ARHGAP28: variants seen among roughly 807,000 people sequenced by gnomAD.
ARHGAP28 encodes the protein rho GTPase-activating protein 28.
In ARHGAP28, 56 loss-of-function variants were observed where a neutral mutation model predicts 90.7. That is an observed-to-expected ratio of 0.62 (90% CI 0.50 to 0.77). ARHGAP28 has a LOEUF of 0.77. Among genes scored for constraint, ARHGAP28 ranks in the 30% least tolerant of loss-of-function variants. The probability of loss-of-function intolerance (pLI) is 0.00; values close to 1 mark genes in which losing one functional copy is unlikely to be tolerated. For synonymous variants in ARHGAP28, 308 were observed against 323.3 expected, an observed-to-expected ratio of 0.95 and a Z score of 0.51; for missense variants, 869 against 900.9, an observed-to-expected ratio of 0.96 and a Z score of 0.45.
At chr18:6,745,017 A>C (rs896557102) in intron 1 of ARHGAP28, among the ~76,000 whole-genome samples, 1 of 151,982 alleles carries the variant, frequency 6.6e-6, no homozygotes, top group Non-Finnish European at 1.5e-5. Flanking sequence ...AAAATACTTT[A>C]TACTCTTTTT....
At chr18:6,780,512 G>A (rs1443373953) in intron 1 of ARHGAP28, among the ~76,000 whole-genome samples, 1 of 152,094 alleles carries the variant, frequency 6.6e-6, no homozygotes, top group Non-Finnish European at 1.5e-5. Flanking sequence ...GGTATTAGTT[G>A]TGGGGAGGGG....
chr18:6,844,901 T>C (rs1490838927), intron 3 of ARHGAP28, among the ~76,000 whole-genome samples: 1 of 152,188 alleles, frequency 6.6e-6, no homozygotes, highest in East Asian at 1.9e-4. Flanking sequence ...GCCCTACCTT[T>C]AATAACAAAA....
intron 11 of ARHGAP28, 43 bp downstream of exon 11, chr18:6,882,342 T>A: frequency 4.5e-6 from 7 of 1,560,328 alleles, no homozygotes; most frequent in Non-Finnish European, 6.1e-6. Flanking sequence ...AGATATAAGG[T>A]CAATAAAGTG....
At chr18:6,736,841 A>G (rs915382676) in intron 1 of ARHGAP28, among the ~76,000 whole-genome samples, 1 of 144,452 alleles carries the variant, frequency 6.9e-6, no homozygotes, top group Admixed American at 6.7e-5. Context: ...AGAGAGTATT[A>G]CTGAAACTAT....
rs1171441870 is a variant in ARHGAP28, at chr18:6,913,892, T to G, written c.*1738T>G. The G allele has an allele frequency of 1.3e-5, 2 of 152,166 alleles. No homozygotes were observed. The highest frequency in any genetic ancestry group is 2.9e-5 in the Non-Finnish European group (2 of 68,016). 9.4% of individuals were successfully genotyped at this position (152,166 alleles called of 1,614,324 possible). On this transcript the variant is annotated 3_prime_UTR_variant, in exon 18 of 18. Coordinates refer to ENST00000383472, the MANE Select transcript of ARHGAP28 (RefSeq NM_001366230.1). Reference sequence around the variant, plus strand: ...ACTCTGAAAAAAATGCTTTTATCATTTTTGCAATTCAGACAAGGGTAAACA... The same window carrying G: ...ACTCTGAAAAAAATGCTTTTATCATGTTTGCAATTCAGACAAGGGTAAACA...
intron 1 of ARHGAP28, among the ~76,000 whole-genome samples, chr18:6,764,263 C>T (rs567967926): frequency 6.6e-6 from 1 of 152,098 alleles, no homozygotes; most frequent in Non-Finnish European, 1.5e-5. Context: ...TATAAGCCCA[C>T]GTCCAAAGAG....
chr18:6,810,109 T>C (rs952858512), intron 1 of ARHGAP28, among the ~76,000 whole-genome samples: 2 of 152,194 alleles, frequency 1.3e-5, no homozygotes, highest in African/African-American at 4.8e-5. Context: ...GAAAGTTCGA[T>C]ATAAGTTTCT....
At position 6,883,798 on chromosome 18, in the gene ARHGAP28, C is replaced by T. The variant is rs1008304516; in HGVS notation, c.1453+1499C>T. 3.9e-5 allele frequency among the ~76,000 whole-genome samples: 6 copies of T among 152,098 alleles called. 1 individual carries two copies. Among genetic ancestry groups the T allele is most frequent in the Admixed American group, 2.0e-4 (3 of 15,274 alleles). On this transcript the variant is annotated intron_variant, in intron 11 of 17. Transcript: ENST00000383472. ...AAGAGAATATTGTAGGCAAGGCAGT[C>T]ATTTTCTAAGCTTTAATTCACATGC...
At position 6,914,249 on chromosome 18, in the gene ARHGAP28, A is replaced by G. The variant is rs2057412855; in HGVS notation, c.*2095A>G. 1 of 152,214 alleles carries G rather than the reference A, an allele frequency of 6.6e-6. No individual in the cohort carries two copies. Among genetic ancestry groups the G allele is most frequent in the South Asian group, 2.1e-4 (1 of 4,832 alleles). 9.4% of individuals were successfully genotyped at this position (152,214 alleles called of 1,614,324 possible). A position where few individuals can be genotyped will look rare whatever the true frequency, so the allele number is the denominator to read the frequency against. On this transcript the variant is annotated 3_prime_UTR_variant, in exon 18 of 18. Transcript: ENST00000383472. Reference sequence around the variant, plus strand: ...AATAAATCCCTAATAGGTAACAAGTAAAATACAAATTCTTGTCTACTTTCA... The same window carrying G: ...AATAAATCCCTAATAGGTAACAAGTGAAATACAAATTCTTGTCTACTTTCA...
intron 1 of ARHGAP28, among the ~76,000 whole-genome samples, chr18:6,818,365 T>G (rs940564229): frequency 6.6e-6 from 1 of 152,228 alleles, no homozygotes; most frequent in Non-Finnish European, 1.5e-5. Context: ...GGAGAGCATT[T>G]GGACCAGACG....
chr18:6,776,313 G>A (rs750966844), intron 1 of ARHGAP28, among the ~76,000 whole-genome samples: 7 of 152,160 alleles, frequency 4.6e-5, no homozygotes, highest in Non-Finnish European at 1.0e-4. Context: ...AAACCCCAGC[G>A]GTGGTGTTTT....
At chr18:6,739,238 G>C (rs2055954305) in intron 1 of ARHGAP28, among the ~76,000 whole-genome samples, 1 of 151,910 alleles carries the variant, frequency 6.6e-6, no homozygotes, top group Non-Finnish European at 1.5e-5. Flanking sequence ...TTGAGAGCAG[G>C]GACAATACCG....
chr18:6,882,359 G>A (rs550587546), intron 11 of ARHGAP28, 60 bp downstream of exon 11: 50 of 1,488,056 alleles, frequency 3.4e-5, no homozygotes, highest in Middle Eastern at 1.9e-4. Flanking sequence ...AGTGAGAGCA[G>A]AAGAGAGATG....
chr18:6,810,394 G>A (rs1406537295), intron 1 of ARHGAP28, among the ~76,000 whole-genome samples: 1 of 152,102 alleles, frequency 6.6e-6, no homozygotes, highest in Non-Finnish European at 1.5e-5. Context: ...ATGTATGGTT[G>A]AGTAACTACA....
intron 1 of ARHGAP28, among the ~76,000 whole-genome samples, chr18:6,785,857 G>A (rs1049110441): frequency 1.3e-5 from 2 of 152,158 alleles, no homozygotes; most frequent in Non-Finnish European, 2.9e-5. Context: ...GTCAATATCT[G>A]CATTTGAAAA....
chr18:6,853,293 A>G (rs1276109501), intron 4 of ARHGAP28, among the ~76,000 whole-genome samples: 1 of 152,170 alleles, frequency 6.6e-6, no homozygotes, highest in Non-Finnish European at 1.5e-5. Context: ...GACATGCCTC[A>G]TTATACCCTC....
chr18:6,738,627 A>G (rs1162879413), intron 1 of ARHGAP28, among the ~76,000 whole-genome samples: 2 of 152,136 alleles, frequency 1.3e-5, no homozygotes, highest in African/African-American at 4.8e-5. Flanking sequence ...ATTATAACCC[A>G]TACTGTGATA....
intron 16 of ARHGAP28, among the ~76,000 whole-genome samples, chr18:6,906,210 A>G (rs1361765119): frequency 6.6e-6 from 1 of 152,182 alleles, no homozygotes; most frequent in Non-Finnish European, 1.5e-5. Flanking sequence ...GATCAATGGA[A>G]TAGAATACAG....
At position 6,846,087 on chromosome 18, in the gene ARHGAP28, G is replaced by A. The variant is rs146658807; in HGVS notation, c.544-4947G>A. Reference sequence around the variant, plus strand: ...GAAATGGTGCATCGTGAATAGGAGCGATAGAAGGACGGGGGTTTGCTGACA... The same window carrying A: ...GAAATGGTGCATCGTGAATAGGAGCAATAGAAGGACGGGGGTTTGCTGACA... On this transcript the variant is annotated intron_variant, in intron 3 of 17. Coordinates refer to ENST00000383472, the MANE Select transcript of ARHGAP28 (RefSeq NM_001366230.1). Among the ~76,000 whole-genome samples the A allele has an allele frequency of 5.0e-3, 761 of 152,298 alleles. 10 individuals carry two copies. The highest frequency in any genetic ancestry group is 0.017 in the African/African-American group (708 of 41,560).
Sources: gnomAD v4.1 joint callset for allele counts (sites outside exome capture counted in the v4.1 genomes callset) on GRCh38, gnomAD v4.1.1 for gene constraint, MANE v1.5 for transcripts, NCBI Gene and HGNC (gene_info 2026-07-23, HGNC 2026-07-21) for gene names.